Variants in SMYD3 observed in about 807,000 individuals in gnomAD.
The protein encoded by SMYD3 is histone-lysine N-methyltransferase SMYD3.
Under a neutral mutation model 57.7 loss-of-function variants are expected in SMYD3, and 36 were observed. The ratio of observed to expected loss-of-function variants is 0.62; its 90% CI spans 0.48 to 0.82. The LOEUF is 0.82. Among genes scored for constraint, SMYD3 ranks in the 40% least tolerant of loss-of-function variants. SMYD3 has a pLI of 0.00. For missense variants in SMYD3, 515 were observed against 538.8 expected (o/e 0.96, Z 0.44); for synonymous variants, 211 against 195.0 (o/e 1.08, Z -0.68).
intron 1 of SMYD3, among the ~76,000 whole-genome samples, chr1:246,431,290 A>G (rs2067293894): frequency 1.3e-5 from 2 of 152,250 alleles, no homozygotes; most frequent in Non-Finnish European, 2.9e-5. Context: ...TTGTTACCTC[A>G]CACAAATTGA....
chr1:245,826,955 A>G (rs907722510), intron 10 of SMYD3, among the ~76,000 whole-genome samples: 3 of 152,214 alleles, frequency 2.0e-5, no homozygotes, highest in African/African-American at 7.2e-5. Flanking sequence ...TATGGGGATT[A>G]TAATTCAAGA....
At chr1:246,101,788 G>A (rs918086140) in intron 5 of SMYD3, among the ~76,000 whole-genome samples, 4 of 152,142 alleles carry the variant, frequency 2.6e-5, no homozygotes, top group South Asian at 2.1e-4. Flanking sequence ...GTAGGCAAGC[G>A]TAAGATAAAC....
Position 246,461,691 on chromosome 1 carries a change from G to A in SMYD3, c.164+45363C>T, listed in dbSNP as rs1309065665. Reference sequence around the variant, plus strand: ...TGAGCTTGCAGTGAGCCAAGATTGCGCCACTGCACTCCAGCCTGGGCAACA... The same window carrying A: ...TGAGCTTGCAGTGAGCCAAGATTGCACCACTGCACTCCAGCCTGGGCAACA... On this transcript the variant is annotated intron_variant, in intron 1 of 11. Transcript: ENST00000490107. Among the ~76,000 whole-genome samples the A allele has an allele frequency of 7.1e-5, 10 of 141,016 alleles. No individual in the cohort carries two copies. The South Asian group carries it at 1.3e-3, about 19-fold the overall frequency. The allele number at this position is 141,016 out of a possible 152,430, so 92.5% of individuals were successfully genotyped here.
chr1:245,890,696 T>C lies in SMYD3; in HGVS notation c.813+24834A>G, dbSNP rs78255926. ...TCGAAAAACTAAAATAGAACTACCA[T>C]TGATCCAGCAATCTCACTGGTAGGT... is the stretch of plus-strand genomic sequence containing the variant. On this transcript the variant is annotated intron_variant, in intron 8 of 11. Coordinates refer to ENST00000490107, the MANE Select transcript of SMYD3 (RefSeq NM_001167740.2). Among the ~76,000 whole-genome samples the C allele has an allele frequency of 7.8e-3, 1,195 of 152,282 alleles. 6 individuals carry two copies. Among genetic ancestry groups the C allele is most frequent in the East Asian group, 0.038 (195 of 5,184 alleles).
At chr1:246,184,852 G>A (rs188260856) in intron 5 of SMYD3, among the ~76,000 whole-genome samples, 3 of 152,190 alleles carry the variant, frequency 2.0e-5, no homozygotes, top group Non-Finnish European at 2.9e-5. Context: ...TGAGAACTGT[G>A]AGGAATTATA....
chr1:245,924,963 C>T (rs755815839), intron 7 of SMYD3, among the ~76,000 whole-genome samples: 1 of 150,386 alleles, frequency 6.6e-6, no homozygotes, highest in Non-Finnish European at 1.5e-5. Context: ...GGTGCCCAGC[C>T]CTATTCCAGC....
intron 5 of SMYD3, among the ~76,000 whole-genome samples, chr1:245,949,825 A>ACCCCCCCCCCCCCCCCCCCCCCCC (rs376505931): frequency 6.4e-5 from 6 of 93,300 alleles, no homozygotes; most frequent in African/African-American, 1.2e-4. Flanking sequence ...AAAGAAACCC[A>ACCCCCCCCCCCCCCCCCCCCCCCC]CCCCCCCCAC....
chr1:246,501,802 C>G (rs572171264), intron 1 of SMYD3, among the ~76,000 whole-genome samples: 30 of 152,334 alleles, frequency 2.0e-4, no homozygotes, highest in African/African-American at 7.2e-4. Flanking sequence ...TAAACAAACA[C>G]AAGTTTTAAG....
chr1:246,016,789 G>T (rs1393265792), intron 5 of SMYD3, among the ~76,000 whole-genome samples: 1 of 152,078 alleles, frequency 6.6e-6, no homozygotes, highest in African/African-American at 2.4e-5. Context: ...AGAAAACAAG[G>T]AAGCTGGAAT....
At chr1:246,342,991 C>T (rs1186179097) in intron 2 of SMYD3, among the ~76,000 whole-genome samples, 4 of 152,120 alleles carry the variant, frequency 2.6e-5, no homozygotes. Context: ...CTAATTCGTG[C>T]TACATTTTTA....
At chr1:246,075,693 T>TA (rs757728674) in intron 5 of SMYD3, among the ~76,000 whole-genome samples, 2 of 152,092 alleles carry the variant, frequency 1.3e-5, no homozygotes, top group Non-Finnish European at 2.9e-5. Context: ...AAATGGTAAA[T>TA]ACGTAGGGAA....
At chr1:246,153,293 C>T (rs966407676) in intron 5 of SMYD3, among the ~76,000 whole-genome samples, 1 of 152,074 alleles carries the variant, frequency 6.6e-6, no homozygotes, top group African/African-American at 2.4e-5. Context: ...CATCCATTCT[C>T]CTGTGTTCCA....
chr1:245,881,639 T>C (rs1362321240), intron 8 of SMYD3, among the ~76,000 whole-genome samples: 1 of 152,202 alleles, frequency 6.6e-6, no homozygotes, highest in Non-Finnish European at 1.5e-5. Context: ...GATAGGGTCA[T>C]TAGTACTTTC....
At chr1:246,495,304 A>C (rs4654115) in intron 1 of SMYD3, among the ~76,000 whole-genome samples, 58,883 of 140,980 alleles carry the variant, frequency 0.42, 13,503 homozygotes, top group East Asian at 0.72. Context: ...AGCCGAGATC[A>C]TGCCACTGCA....
At chr1:246,255,286 T>TTTTGATGGATCTTATTA in intron 5 of SMYD3, among the ~76,000 whole-genome samples, 1 of 150,806 alleles carries the variant, frequency 6.6e-6, no homozygotes, top group East Asian at 2.0e-4. Context: ...GATCTTATTA[T>TTTTGATGGATCTTATTA]TTTGATGGAT....
intron 5 of SMYD3, among the ~76,000 whole-genome samples, chr1:246,014,727 G>A (rs2059347278): frequency 6.6e-6 from 1 of 152,068 alleles, no homozygotes; most frequent in Non-Finnish European, 1.5e-5. Flanking sequence ...AGAATCCAGT[G>A]TTGGGGCTCA....
chr1:246,216,866 T>A (rs979546766), intron 5 of SMYD3, among the ~76,000 whole-genome samples: 6 of 152,130 alleles, frequency 3.9e-5, no homozygotes, highest in African/African-American at 1.4e-4. Context: ...ACTTTCCCCT[T>A]GACGGAGACG....
At chr1:246,212,249 G>C (rs1274766826) in intron 5 of SMYD3, among the ~76,000 whole-genome samples, 1 of 151,516 alleles carries the variant, frequency 6.6e-6, no homozygotes, top group Admixed American at 6.6e-5. Flanking sequence ...ATTATTTCAA[G>C]GAAATAAAGA....
At chr1:246,391,453 A>G (rs994975941) in intron 1 of SMYD3, among the ~76,000 whole-genome samples, 19 of 150,856 alleles carry the variant, frequency 1.3e-4, no homozygotes, top group Non-Finnish European at 2.5e-4. Flanking sequence ...GGAGAGAGGG[A>G]AAAAGGAGAG....
Sources: gnomAD v4.1 joint callset for allele counts (sites outside exome capture counted in the v4.1 genomes callset) on GRCh38, gnomAD v4.1.1 for gene constraint, MANE v1.5 for transcripts, NCBI Gene and HGNC (gene_info 2026-07-23, HGNC 2026-07-21) for gene names.